Variants in KLF9 observed in about 807,000 individuals in gnomAD.
KLF9 encodes the protein KLF transcription factor 9.
In KLF9, 2 loss-of-function variants were observed where a neutral mutation model predicts 17.3. That is an observed-to-expected ratio of 0.12 (90% CI 0.05 to 0.36). The LOEUF (loss-of-function observed/expected upper bound fraction) is 0.36. Among genes scored for constraint, KLF9 ranks in the 10% least tolerant of loss-of-function variants. The probability of loss-of-function intolerance (pLI) is 1.00; values close to 1 mark genes in which losing one functional copy is unlikely to be tolerated. For synonymous variants in KLF9, 138 were observed against 139.2 expected, an observed-to-expected ratio of 0.99 and a Z score of 0.06; for missense variants, 226 against 333.2, an observed-to-expected ratio of 0.68 and a Z score of 2.51.
chr9:70,388,101 A>C, intron 1 of KLF9, 96 bp from the exon 2 acceptor site: 2 of 949,742 alleles, frequency 2.1e-6, no homozygotes, highest in Non-Finnish European at 3.2e-6. Flanking sequence ...TCAAAGGATA[A>C]ATCCCTCGGA....
At chr9:70,402,105 T>C (rs1380137242) in intron 1 of KLF9, among the ~76,000 whole-genome samples, 2 of 151,848 alleles carry the variant, frequency 1.3e-5, no homozygotes, top group Non-Finnish European at 2.9e-5. Flanking sequence ...ATAGCCTATG[T>C]TTTTCACACT....
At chr9:70,412,508 C>T (rs1343145921) in intron 1 of KLF9, among the ~76,000 whole-genome samples, 1 of 152,136 alleles carries the variant, frequency 6.6e-6, no homozygotes, top group African/African-American at 2.4e-5. Context: ...CTGACTTCCC[C>T]GCTGCCAGCG....
In KLF9 at chr9:70,385,600, T is replaced by C. The variant is rs1363327531; in HGVS notation, c.*2176A>G. 1 of 152,622 alleles carries C rather than the reference T, an allele frequency of 6.6e-6. No homozygotes were observed. Among genetic ancestry groups the C allele is most frequent in the Non-Finnish European group, 1.5e-5 (1 of 68,040 alleles). 9.5% of individuals were successfully genotyped at this position (152,622 alleles called of 1,614,324 possible). A position where few individuals can be genotyped will look rare whatever the true frequency, so the allele number is the denominator to read the frequency against. ...GAGGGAAAGATGACTTTTTACAAGT[T>C]AGCAAGTTGCTAGGCAACCCCAAAC... On this transcript the variant is annotated 3_prime_UTR_variant, in exon 2 of 2. Transcript: ENST00000377126.
chr9:70,409,113 T>TAC lies in KLF9; in HGVS notation c.505+3744_505+3745dup, dbSNP rs1222820617. ...ATATGTATATATATGTGTATATATA[T>TAC]ACATATATGTATATATGTATACATA... On this transcript the variant is annotated intron_variant, in intron 1 of 1. Transcript: ENST00000377126. Among the ~76,000 whole-genome samples the TAC allele has an allele frequency of 3.4e-3, 312 of 90,698 alleles. 17 individuals are homozygous for TAC. Among genetic ancestry groups the TAC allele is most frequent in the African/African-American group, 9.6e-3 (283 of 29,416 alleles). The allele number at this position is 90,698 out of a possible 152,430, so 59.5% of individuals were successfully genotyped here.
chr9:70,413,582 T>A lies in KLF9; in HGVS notation c.-219A>T. ...ACCGGCAGCGCCTCCGCACGCAGCA[T>A]CCACGGCCCCGGGCTCCGCCGCGCC... is the stretch of plus-strand genomic sequence containing the variant. On this transcript the variant is annotated 5_prime_UTR_variant, in exon 1 of 2. An upstream start codon of the reference 5' UTR is lost. Coordinates refer to ENST00000377126, the MANE Select transcript of KLF9 (RefSeq NM_001206.4). The surrounding 1 kb of genome is among the most constrained non-coding windows in gnomAD (Gnocchi z 5.6). The A allele has an allele frequency of 4.6e-6, 1 of 219,226 alleles. No individual in the cohort carries two copies. The highest frequency in any genetic ancestry group is 8.2e-6 in the Non-Finnish European group (1 of 121,314). The allele number at this position is 219,226 out of a possible 1,614,324, so 13.6% of individuals were successfully genotyped here.
intron 1 of KLF9, among the ~76,000 whole-genome samples, chr9:70,397,520 T>A (rs1429474514): frequency 6.6e-6 from 1 of 151,890 alleles, no homozygotes; most frequent in Admixed American, 6.6e-5. Flanking sequence ...CTGAATATAC[T>A]ACATCTGTCT....
rs958142404 is a variant in KLF9 at position 70,387,617 on chromosome 9, C to T, written c.*159G>A. On this transcript the variant is annotated 3_prime_UTR_variant, in exon 2 of 2. Coordinates refer to ENST00000377126, the MANE Select transcript of KLF9 (RefSeq NM_001206.4). ...TAGGCTACAATGTGCTTTTTAAAAA[C>T]AATGCAGGGAGAGGAAAATCAGAAT... 8 of 636,952 alleles carry T rather than the reference C, an allele frequency of 1.3e-5. No individual in the cohort carries two copies. The highest frequency in any genetic ancestry group is 5.5e-5 in the Admixed American group (2 of 36,564). The allele number at this position is 636,952 out of a possible 1,614,324, so 39.5% of individuals were successfully genotyped here.
At chr9:70,405,844 G>A (rs2037251931) in intron 1 of KLF9, among the ~76,000 whole-genome samples, 1 of 152,156 alleles carries the variant, frequency 6.6e-6, no homozygotes, top group African/African-American at 2.4e-5. Flanking sequence ...TGAGGGGACT[G>A]CTTGACACTG....
rs373927337 is a variant in KLF9 at position 70,401,440 on chromosome 9, C to T, written c.505+11419G>A. Among the ~76,000 whole-genome samples, 108 of 151,888 alleles carry T rather than the reference C, an allele frequency of 7.1e-4. 1 individual carries two copies. The South Asian group carries it at 0.011, about 16-fold the overall frequency. ...GGTGGCTCATGCCTGTAATCCAGCA[C>T]TTTGGAAGGCCGAGGCCGGTGAATC... is the stretch of plus-strand genomic sequence containing the variant. On this transcript the variant is annotated intron_variant, in intron 1 of 1. Coordinates refer to ENST00000377126, the MANE Select transcript of KLF9 (RefSeq NM_001206.4).
chr9:70,394,083 T>C (rs952291863), intron 1 of KLF9, among the ~76,000 whole-genome samples: 5 of 144,848 alleles, frequency 3.5e-5, no homozygotes, highest in East Asian at 2.1e-4. Flanking sequence ...TAGGATTCCA[T>C]AGATAAAAGA....
chr9:70,397,241 A>G (rs774121931), intron 1 of KLF9, among the ~76,000 whole-genome samples: 3 of 152,098 alleles, frequency 2.0e-5, no homozygotes, highest in Non-Finnish European at 4.4e-5. Flanking sequence ...TTGGGAGGCC[A>G]AGGGGGGTGG....
chr9:70,409,137 T>TATATAC (rs1564089342), intron 1 of KLF9, among the ~76,000 whole-genome samples: 7 of 61,548 alleles, frequency 1.1e-4, no homozygotes, highest in Non-Finnish European at 1.9e-4. Flanking sequence ...TATGTATACA[T>TATATAC]ATATATGTAT....
intron 1 of KLF9, among the ~76,000 whole-genome samples, chr9:70,408,409 C>T (rs1449863225): frequency 6.6e-6 from 1 of 152,152 alleles, no homozygotes; most frequent in Non-Finnish European, 1.5e-5. Flanking sequence ...AATGCCATTC[C>T]ACATCACTCT....
intron 1 of KLF9, among the ~76,000 whole-genome samples, chr9:70,406,028 C>T (rs568686027): frequency 2.0e-5 from 3 of 152,302 alleles, no homozygotes; most frequent in African/African-American, 7.2e-5. Context: ...TCCACCTCTG[C>T]CCTTTCACTT....
Position 70,413,789 on chromosome 9 carries a change from C to A in KLF9, c.-426G>T, listed in dbSNP as rs931090198. On this transcript the variant is annotated 5_prime_UTR_variant, in exon 1 of 2. In the 5' UTR this introduces an upstream ATG that the reference lacks. Coordinates refer to ENST00000377126, the MANE Select transcript of KLF9 (RefSeq NM_001206.4). This position sits in a 1 kb window ranked among gnomAD's most constrained non-coding sequence, Gnocchi z 5.6. ...AAGAGAGGTGCACGCCCTCGGCCGC[C>A]TCGCCGTCGAGCCAAAGCCCCAGGA... 1 of 152,738 alleles carries A rather than the reference C, an allele frequency of 6.5e-6. No homozygotes were observed. The highest frequency in any genetic ancestry group is 6.5e-5 in the Admixed American group (1 of 15,280). 9.5% of individuals were successfully genotyped at this position (152,738 alleles called of 1,614,324 possible).
At chr9:70,389,049 G>A (rs1189575040) in intron 1 of KLF9, among the ~76,000 whole-genome samples, 3 of 151,960 alleles carry the variant, frequency 2.0e-5, no homozygotes, top group Non-Finnish European at 4.4e-5. Flanking sequence ...GCTGAGACAG[G>A]AGAATTGCTT....
chr9:70,387,802 T>C lies in KLF9; in HGVS notation c.709A>G (p.Lys237Glu). Residue 237 changes from lysine to glutamate, a missense_variant, in exon 2 of 2, where the codon AAA (lysine) becomes GAA (glutamate). Transcript: ENST00000377126. Reference sequence around the variant, plus strand: ...CACAAAGCGTTGGCCAGCGCCTTTTTCGATCGCTTGATCATGCTGGGGTGG... The same window carrying C: ...CACAAAGCGTTGGCCAGCGCCTTTTCCGATCGCTTGATCATGCTGGGGTGG... The part of the protein sequence containing the change: ...EFHPSMIKRS[K>E]KALANAL 6.2e-7 allele frequency: 1 copy of C among 1,614,108 alleles called. No individual in the cohort carries two copies. The highest frequency in any genetic ancestry group is 2.2e-5 in the East Asian group (1 of 44,860).
chr9:70,402,568 T>C (rs1216007187), intron 1 of KLF9, among the ~76,000 whole-genome samples: 1 of 152,226 alleles, frequency 6.6e-6, no homozygotes, highest in Non-Finnish European at 1.5e-5. Context: ...ACCCTGCTGC[T>C]GTTATACTTG....
chr9:70,408,595 T>A (rs990349787), intron 1 of KLF9, among the ~76,000 whole-genome samples: 1 of 152,112 alleles, frequency 6.6e-6, no homozygotes, highest in African/African-American at 2.4e-5. Context: ...CCTTGCTCTG[T>A]CCCTAAGGCC....
Sources: allele counts gnomAD v4.1 joint callset (sites outside exome capture counted in the v4.1 genomes callset), GRCh38; gene constraint gnomAD v4.1.1; non-coding constraint Gnocchi (gnomAD v3.1); transcripts MANE v1.5; gene names NCBI Gene and HGNC (gene_info 2026-07-23, HGNC 2026-07-21).